TMEM233: variants seen among roughly 807,000 people sequenced by gnomAD.
The protein encoded by TMEM233 is dispanin subfamily B member 2.
TMEM233 carries 6 observed loss-of-function variants against 11.2 expected under a neutral mutation model. The observed-to-expected ratio is 0.54, with a 90% CI of 0.29 to 1.06. The LOEUF is 1.06. TMEM233 is among the 50% of genes least tolerant of loss of function. The probability of loss-of-function intolerance (pLI) is 0.08; values close to 1 mark genes in which losing one functional copy is unlikely to be tolerated. For missense variants in TMEM233, 127 were observed against 144.7 expected, an observed-to-expected ratio of 0.88 and a Z score of 0.63; for synonymous variants, 59 against 55.8, an observed-to-expected ratio of 1.06 and a Z score of -0.26.
Position 119,640,933 on chromosome 12 carries a change from A to G in TMEM233, c.*228A>G, listed in dbSNP as rs1955074368. ...GATCAGCCAAAGTCATTGATTTGTAAAAATGAAAAGAAAACAGAAAAAAGA... is the reference window on the plus strand; with the variant it reads ...GATCAGCCAAAGTCATTGATTTGTAGAAATGAAAAGAAAACAGAAAAAAGA... On this transcript the variant is annotated 3_prime_UTR_variant, in exon 3 of 3. Transcript: ENST00000426426. 5.9e-6 allele frequency: 3 copies of G among 511,306 alleles called. No individual in the cohort carries two copies. The South Asian group carries it at 1.1e-4, about 18-fold the overall frequency. The allele number at this position is 511,306 out of a possible 1,614,324, so 31.7% of individuals were successfully genotyped here.
rs1955092115 is a variant in TMEM233, at chr12:119,642,246, A to C, written c.*1541A>C. 1.3e-5 allele frequency: 2 copies of C among 152,144 alleles called. No homozygotes were observed. Among genetic ancestry groups the C allele is most frequent in the Admixed American group, 1.3e-4 (2 of 15,278 alleles). The allele number at this position is 152,144 out of a possible 1,614,324, so 9.4% of individuals were successfully genotyped here. On this transcript the variant is annotated 3_prime_UTR_variant, in exon 3 of 3. Coordinates refer to ENST00000426426, the MANE Select transcript of TMEM233 (RefSeq NM_001136534.3). ...GAGATCACTTAAGGTCAGGAGTTTG[A>C]GACCAGCCTGACCAACATGGTGAAA... is the stretch of plus-strand genomic sequence containing the variant.
intron 1 of TMEM233, among the ~76,000 whole-genome samples, chr12:119,608,057 C>T (rs80116957): frequency 0.014 from 2,091 of 152,260 alleles, 42 homozygotes; most frequent in African/African-American, 0.047. Flanking sequence ...CAGCTTAGCA[C>T]AGCTCCTGCC....
the TMEM233 span, among the ~76,000 whole-genome samples, chr12:119,650,083 G>T: frequency 1.5e-4 from 22 of 151,672 alleles, no homozygotes; most frequent in African/African-American, 5.3e-4. Flanking sequence ...GCGTGAACCC[G>T]GGAGGCGGAG....
intron 1 of TMEM233, among the ~76,000 whole-genome samples, chr12:119,605,678 C>A (rs537795297): frequency 2.0e-5 from 3 of 152,088 alleles, no homozygotes; most frequent in South Asian, 2.1e-4. Context: ...ATCTACCCCC[C>A]TCAGCCTCCC....
intron 1 of TMEM233, among the ~76,000 whole-genome samples, chr12:119,618,869 G>C (rs1264362836): frequency 1.3e-5 from 2 of 152,198 alleles, no homozygotes; most frequent in East Asian, 3.8e-4. Flanking sequence ...TAGGGGGACT[G>C]TTGGAAAGGC....
downstream of TMEM233, among the ~76,000 whole-genome samples, chr12:119,647,788 C>G (rs1195331728): frequency 5.5e-5 from 8 of 144,612 alleles, no homozygotes; most frequent in Admixed American, 7.0e-5. Flanking sequence ...CCCACCCCCC[C>G]GACAGGCCCC....
At chr12:119,623,213 A>C (rs1954681268) in intron 1 of TMEM233, among the ~76,000 whole-genome samples, 1 of 152,138 alleles carries the variant, frequency 6.6e-6, no homozygotes, top group Admixed American at 6.5e-5. Context: ...CTGTTTTTTC[A>C]TCCAAACAGC....
downstream of TMEM233, among the ~76,000 whole-genome samples, chr12:119,645,446 T>C (rs763230030): frequency 2.6e-5 from 4 of 151,970 alleles, no homozygotes; most frequent in Non-Finnish European, 4.4e-5. Context: ...AATATGTCCC[T>C]GCACCAAAAC....
intron 1 of TMEM233, among the ~76,000 whole-genome samples, chr12:119,618,464 G>A (rs1954578650): frequency 1.3e-5 from 2 of 152,316 alleles, no homozygotes; most frequent in South Asian, 4.1e-4. Context: ...AAAAGCCACA[G>A]GCACTCAATG....
intron 1 of TMEM233, among the ~76,000 whole-genome samples, chr12:119,629,104 A>G (rs112387197): frequency 0.017 from 2,520 of 152,236 alleles, 64 homozygotes; most frequent in African/African-American, 0.056. Context: ...TGCACTGGAC[A>G]CTGGTATGCC....
At chr12:119,616,049 A>G (rs1335353834) in intron 1 of TMEM233, among the ~76,000 whole-genome samples, 1 of 152,184 alleles carries the variant, frequency 6.6e-6, no homozygotes, top group African/African-American at 2.4e-5. Flanking sequence ...GGGTGTATAA[A>G]TAAGTTTGAA....
Position 119,642,100 on chromosome 12 carries a change from T to G in TMEM233, c.*1395T>G, listed in dbSNP as rs1204414372. ...AATTAACACACCAGATAAGTATATG[T>G]GGCAAAAGTCACTTCAAAGAATTAA... On this transcript the variant is annotated 3_prime_UTR_variant, in exon 3 of 3. Transcript: ENST00000426426. 6.6e-6 allele frequency: 1 copy of G among 152,218 alleles called. No individual in the cohort carries two copies. Among genetic ancestry groups the G allele is most frequent in the Non-Finnish European group, 1.5e-5 (1 of 68,046 alleles). 9.4% of individuals were successfully genotyped at this position (152,218 alleles called of 1,614,324 possible).
At chr12:119,647,363 G>T (rs1955167600), downstream of TMEM233, among the ~76,000 whole-genome samples, 2 of 152,326 alleles carry the variant, frequency 1.3e-5, no homozygotes, top group South Asian at 4.2e-4. Context: ...TGCCCTTGTT[G>T]ACCAGTGATC....
chr12:119,617,087 C>G (rs544061921), intron 1 of TMEM233, among the ~76,000 whole-genome samples: 1 of 151,868 alleles, frequency 6.6e-6, no homozygotes, highest in Non-Finnish European at 1.5e-5. Context: ...TATAAAGATA[C>G]CAGAAAATGT....
intron 2 of TMEM233, among the ~76,000 whole-genome samples, chr12:119,632,797 G>A (rs1319529): frequency 0.77 from 116,510 of 152,164 alleles, 44,794 homozygotes; most frequent in Middle Eastern, 0.85. Flanking sequence ...TTACTAAAAC[G>A]CATGGTTAGC....
At chr12:119,606,447 CAT>C (rs890104813) in intron 1 of TMEM233, among the ~76,000 whole-genome samples, 1 of 151,968 alleles carries the variant, frequency 6.6e-6, no homozygotes, top group East Asian at 1.9e-4. Context: ...GAATAAAAAA[CAT>C]GTTCTAAAAA....
At chr12:119,623,374 C>T (rs999779572) in intron 1 of TMEM233, among the ~76,000 whole-genome samples, 1 of 152,012 alleles carries the variant, frequency 6.6e-6, no homozygotes, top group African/African-American at 2.4e-5. Flanking sequence ...TTATATAATT[C>T]TAAACTGGAT....
At chr12:119,603,911 A>G (rs1954216028) in intron 1 of TMEM233, among the ~76,000 whole-genome samples, 1 of 152,214 alleles carries the variant, frequency 6.6e-6, no homozygotes, top group South Asian at 2.1e-4. Context: ...ATTCCTGCCA[A>G]AACCTTTTTT....
chr12:119,653,984 AAC>A, the TMEM233 span, among the ~76,000 whole-genome samples: 413 of 145,066 alleles, frequency 2.8e-3, 1 homozygote, highest in Non-Finnish European at 4.3e-3. Flanking sequence ...AAAAAAAAAA[AAC>A]AAAAACCCAA....
Sources: gnomAD v4.1 joint callset for allele counts (sites outside exome capture counted in the v4.1 genomes callset) on GRCh38, gnomAD v4.1.1 for gene constraint, MANE v1.5 for transcripts, NCBI Gene and HGNC (gene_info 2026-07-23, HGNC 2026-07-21) for gene names.